Variants in CNTN4 observed in about 807,000 individuals in gnomAD.
CNTN4 encodes contactin 4.
Under a neutral mutation model 122.5 loss-of-function variants are expected in CNTN4, and 77 were observed. That is an observed-to-expected ratio of 0.63 (90% CI 0.52 to 0.76). CNTN4 has a LOEUF of 0.76. Ranked by LOEUF, CNTN4 falls within the 30% of genes least tolerant of loss-of-function variation. CNTN4 has a pLI of 0.00. For synonymous variants in CNTN4, 512 were observed against 447.0 expected, an observed-to-expected ratio of 1.15 and a Z score of -1.83; for missense variants, 1,256 against 1,259.1, an observed-to-expected ratio of 1.00 and a Z score of 0.04.
chr3:2,120,374 AATATAT>A (rs1185851358), intron 2 of CNTN4, among the ~76,000 whole-genome samples: 62 of 59,002 alleles, frequency 1.1e-3, no homozygotes, highest in East Asian at 5.1e-3. Flanking sequence ...TATATATATA[AATATAT>A]ATATATATAT....
At chr3:3,012,731 G>A (rs1303522751) in intron 14 of CNTN4, among the ~76,000 whole-genome samples, 7 of 152,132 alleles carry the variant, frequency 4.6e-5, no homozygotes, top group Admixed American at 4.6e-4. Flanking sequence ...CACTTTGGGA[G>A]GCGGAGGCGG....
In CNTN4 at chr3:2,925,672, T is replaced by C. The variant is rs1469406552; in HGVS notation, c.1251T>C (p.Thr417=). ...DFSRTLLKRV[T]LVKVGGEVVI... is the part of the protein sequence containing the mutation. ...CAAGAACACTCTTGAAAAGAGTAAC[T>C]CTTGTCAAAGTGGGAGGTGAAGTTG... The change falls in exon 13 of 25, where the codon ACT becomes ACC. Residue 417 remains threonine (T), a synonymous_variant. Coordinates refer to ENST00000418658, the MANE Select transcript of CNTN4 (RefSeq NM_175607.3). 2.5e-6 allele frequency: 4 copies of C among 1,614,096 alleles called. No homozygotes were observed. Among genetic ancestry groups the C allele is most frequent in the Admixed American group, 3.3e-5 (2 of 60,028 alleles).
At chr3:2,210,117 T>C (rs1417062637) in intron 2 of CNTN4, among the ~76,000 whole-genome samples, 1 of 152,138 alleles carries the variant, frequency 6.6e-6, no homozygotes, top group Admixed American at 6.6e-5. Context: ...CTATCCAATG[T>C]TGTTCACCAG....
At chr3:2,812,693 C>T (rs1398012608) in intron 6 of CNTN4, among the ~76,000 whole-genome samples, 1 of 152,124 alleles carries the variant, frequency 6.6e-6, no homozygotes, top group East Asian at 1.9e-4. Flanking sequence ...AAAAGTCATA[C>T]TGATAGTGCT....
Position 3,027,756 on chromosome 3 carries a change from C to T in CNTN4, c.1662+1479C>T, listed in dbSNP as rs548913150. ...CCAACCAATGAAAACAGATGCCCGA[C>T]CAATCGAAGTGGACGTCCTACCATT... On this transcript the variant is annotated intron_variant, in intron 15 of 24. Transcript: ENST00000418658. Among the ~76,000 whole-genome samples, 9 of 152,284 alleles carry T rather than the reference C, an allele frequency of 5.9e-5. No homozygotes were observed. The South Asian group carries it at 1.0e-3, about 18-fold the overall frequency.
At position 2,431,374 on chromosome 3, in the gene CNTN4, G is replaced by A. The variant is rs903437004; in HGVS notation, c.-89+92141G>A. On this transcript the variant is annotated intron_variant, in intron 3 of 24. Transcript: ENST00000418658. Reference sequence around the variant, plus strand: ...ATGTACTTCTTTTTTATATGTACGTGTATGTAGGTAAATGCAAAGAATAAG... The same window carrying A: ...ATGTACTTCTTTTTTATATGTACGTATATGTAGGTAAATGCAAAGAATAAG... Among the ~76,000 whole-genome samples, 10 of 152,272 alleles carry A rather than the reference G, an allele frequency of 6.6e-5. No individual in the cohort carries two copies. In the East Asian group the frequency reaches 1.7e-3, roughly 26 times the overall value.
At chr3:2,776,042 C>A (rs1483986570) in intron 6 of CNTN4, among the ~76,000 whole-genome samples, 1 of 152,104 alleles carries the variant, frequency 6.6e-6, no homozygotes, top group Non-Finnish European at 1.5e-5. Flanking sequence ...ATGTGTCAAC[C>A]TTAATAACCG....
chr3:2,441,979 C>T (rs1002960379), intron 3 of CNTN4, among the ~76,000 whole-genome samples: 1 of 152,172 alleles, frequency 6.6e-6, no homozygotes, highest in Non-Finnish European at 1.5e-5. Context: ...ACTTCCTTCT[C>T]ATGTCTTGCT....
intron 6 of CNTN4, among the ~76,000 whole-genome samples, chr3:2,757,117 T>G (rs900465600): frequency 6.6e-6 from 1 of 152,208 alleles, no homozygotes; most frequent in African/African-American, 2.4e-5. Context: ...TGTAGGATTA[T>G]CTGTGCAAGT....
rs1577412629 is a variant in CNTN4, at chr3:2,961,237, A to G, written c.1359-27108A>G. Among the ~76,000 whole-genome samples, 3 of 145,334 alleles carry G rather than the reference A, an allele frequency of 2.1e-5. 1 individual carries two copies. The highest frequency in any genetic ancestry group is 4.5e-5 in the Non-Finnish European group (3 of 66,140). On this transcript the variant is annotated intron_variant, in intron 13 of 24. Transcript: ENST00000418658. ...AGAACGAGACTCCATCTCACAAAAAAAAAAAAAAAAAAAGGCCTACTGAAT... is the reference window on the plus strand; with the variant it reads ...AGAACGAGACTCCATCTCACAAAAAGAAAAAAAAAAAAAGGCCTACTGAAT...
At chr3:2,172,084 A>C (rs1191366764) in intron 2 of CNTN4, among the ~76,000 whole-genome samples, 1 of 152,224 alleles carries the variant, frequency 6.6e-6, no homozygotes, top group Non-Finnish European at 1.5e-5. Flanking sequence ...CTATTTACTA[A>C]GTCAAGTTTT....
chr3:2,109,048 C>T (rs1002564829), intron 2 of CNTN4, among the ~76,000 whole-genome samples: 1 of 152,100 alleles, frequency 6.6e-6, no homozygotes, highest in Non-Finnish European at 1.5e-5. Context: ...GAAATATTTT[C>T]GATAATTACT....
intron 3 of CNTN4, among the ~76,000 whole-genome samples, chr3:2,447,473 G>A (rs2048667288): frequency 6.6e-6 from 1 of 151,984 alleles, no homozygotes; most frequent in Admixed American, 6.6e-5. Context: ...ATTTAAATAT[G>A]CTATGTCTAT....
chr3:2,298,570 C>A (rs1462911488), intron 2 of CNTN4, among the ~76,000 whole-genome samples: 1 of 152,158 alleles, frequency 6.6e-6, no homozygotes, highest in Admixed American at 6.5e-5. Context: ...CTCCTTTTCT[C>A]TCATACAATT....
At chr3:2,319,002 G>T (rs867544310) in intron 2 of CNTN4, among the ~76,000 whole-genome samples, 9 of 152,176 alleles carry the variant, frequency 5.9e-5, no homozygotes, top group South Asian at 2.1e-4. Context: ...TTACGGAGGG[G>T]CCAGTTAACT....
chr3:3,039,680 G>T, intron 19 of CNTN4: 1 of 269,694 alleles, frequency 3.7e-6, no homozygotes, highest in Non-Finnish European at 7.2e-6. Context: ...TGTCTATTTG[G>T]CAATGGAAGA....
intron 2 of CNTN4, among the ~76,000 whole-genome samples, chr3:2,221,881 A>C (rs1042213052): frequency 1.3e-4 from 20 of 152,168 alleles, no homozygotes; most frequent in Admixed American, 2.6e-4. Context: ...AAAATAAAAA[A>C]GACAGTAATA....
At chr3:3,021,520 A>G (rs1698285836) in intron 14 of CNTN4, among the ~76,000 whole-genome samples, 1 of 152,198 alleles carries the variant, frequency 6.6e-6, no homozygotes, top group Non-Finnish European at 1.5e-5. Flanking sequence ...AATTTAAGGA[A>G]AAAAGATACA....
At chr3:2,282,482 A>C (rs1000709108) in intron 2 of CNTN4, among the ~76,000 whole-genome samples, 1 of 152,074 alleles carries the variant, frequency 6.6e-6, no homozygotes, top group Non-Finnish European at 1.5e-5. Context: ...TTGTTCATTT[A>C]GTATATGGCC....
Sources: allele counts gnomAD v4.1 joint callset (sites outside exome capture counted in the v4.1 genomes callset), GRCh38; gene constraint gnomAD v4.1.1; transcripts MANE v1.5; gene names NCBI Gene and HGNC (gene_info 2026-07-23, HGNC 2026-07-21).